SLC25A21: variants seen among roughly 807,000 people sequenced by gnomAD.
SLC25A21 encodes mitochondrial 2-oxodicarboxylate carrier.
Under a neutral mutation model 43.8 loss-of-function variants are expected in SLC25A21, and 47 were observed. That is an observed-to-expected ratio of 1.07 (90% confidence interval 0.85 to 1.37). The LOEUF is 1.37. Ranked by LOEUF, SLC25A21 falls within the 40% of genes most tolerant of loss-of-function variation. The pLI is 0.00. For synonymous variants in SLC25A21, 131 were observed against 121.3 expected (o/e 1.08, Z -0.52); for missense variants, 352 against 350.2 (o/e 1.00, Z -0.04).
At chr14:36,730,973 GT>G (rs869254850) in intron 4 of SLC25A21, among the ~76,000 whole-genome samples, 67 of 80,102 alleles carry the variant, frequency 8.4e-4, no homozygotes, top group Non-Finnish European at 1.1e-3. Flanking sequence ...ATAATCTTAG[GT>G]TTTTTTTTTT....
intron 3 of SLC25A21, among the ~76,000 whole-genome samples, chr14:36,753,293 G>A (rs954084875): frequency 2.6e-5 from 4 of 152,126 alleles, no homozygotes; most frequent in Admixed American, 2.0e-4. Context: ...TAAAACAGGA[G>A]AGTAACTGGT....
At chr14:37,106,756 TTAA>T (rs113018865) in intron 1 of SLC25A21, among the ~76,000 whole-genome samples, 120,037 of 150,604 alleles carry the variant, frequency 0.8, 50,626 homozygotes, top group South Asian at 0.94. Context: ...TTTGAAACCC[TTAA>T]TAAAAACTTG....
At chr14:36,842,179 C>T (rs192673665) in intron 2 of SLC25A21, among the ~76,000 whole-genome samples, 48 of 152,294 alleles carry the variant, frequency 3.2e-4, no homozygotes, top group Admixed American at 2.6e-3. Context: ...AACTAACAGA[C>T]GCTAGCACAT....
At chr14:37,123,866 A>C (rs534251033) in intron 1 of SLC25A21, among the ~76,000 whole-genome samples, 11 of 152,256 alleles carry the variant, frequency 7.2e-5, no homozygotes, top group Admixed American at 5.9e-4. Context: ...TCCATAAATA[A>C]AAATTAAATA....
chr14:37,161,316 C>A (rs1020386268), intron 1 of SLC25A21, among the ~76,000 whole-genome samples: 1 of 152,016 alleles, frequency 6.6e-6, no homozygotes, highest in Non-Finnish European at 1.5e-5. Flanking sequence ...TTAACAGTTT[C>A]GGCATAAAGG....
rs537445908 is a variant in SLC25A21, at chr14:36,759,624, A to G, written c.204-25051T>C. The stretch of plus-strand genomic sequence containing the variant: ...AAAGGCCAGGATCACAGAATAATTG[A>G]GTCAATACCAGTAGAAAAGGATCAC... On this transcript the variant is annotated intron_variant, in intron 3 of 9. Coordinates refer to ENST00000331299, the MANE Select transcript of SLC25A21 (RefSeq NM_030631.4). 4 of 152,342 alleles carry G rather than the reference A, an allele frequency of 2.6e-5. No homozygotes were observed. In the East Asian group the frequency reaches 5.8e-4, roughly 22 times the overall value. The allele number at this position is 152,342 out of a possible 1,614,324, so 9.4% of individuals were successfully genotyped here.
At chr14:36,975,957 T>TCAGGCAGTCGCTTGC (rs1959861199) in intron 1 of SLC25A21, among the ~76,000 whole-genome samples, 1 of 152,218 alleles carries the variant, frequency 6.6e-6, no homozygotes, top group African/African-American at 2.4e-5. Flanking sequence ...AGGCCGACTC[T>TCAGGCAGTCGCTTGC]CAGGCAGTCG....
At chr14:36,892,092 G>C (rs1235809243) in intron 1 of SLC25A21, among the ~76,000 whole-genome samples, 6 of 152,128 alleles carry the variant, frequency 3.9e-5, no homozygotes, top group African/African-American at 1.2e-4. Flanking sequence ...TAGTTTGTCA[G>C]ACAAAAGACA....
intron 2 of SLC25A21, among the ~76,000 whole-genome samples, chr14:36,856,423 G>C (rs1399365725): frequency 4.6e-5 from 7 of 152,158 alleles, no homozygotes; most frequent in African/African-American, 1.7e-4. Context: ...GACATGGCTT[G>C]TAAGGGAGGA....
intron 1 of SLC25A21, among the ~76,000 whole-genome samples, chr14:36,979,086 T>C (rs1298775563): frequency 3.3e-5 from 5 of 151,970 alleles, no homozygotes; most frequent in Admixed American, 2.6e-4. Context: ...AGACCCTGTA[T>C]CAAAAAAAAC....
At chr14:36,965,347 T>A (rs1959589109) in intron 1 of SLC25A21, among the ~76,000 whole-genome samples, 1 of 152,156 alleles carries the variant, frequency 6.6e-6, no homozygotes, top group Non-Finnish European at 1.5e-5. Flanking sequence ...GTTTATGTTT[T>A]TTAATAAGTC....
At chr14:37,054,929 G>A (rs76080258) in intron 1 of SLC25A21, among the ~76,000 whole-genome samples, 3,973 of 152,296 alleles carry the variant, frequency 0.026, 70 homozygotes, top group Middle Eastern at 0.048. Flanking sequence ...AAAATGCACA[G>A]AGGGCAAGGC....
chr14:36,855,510 G>A (rs1202827260), intron 2 of SLC25A21, among the ~76,000 whole-genome samples: 2 of 152,174 alleles, frequency 1.3e-5, no homozygotes. Context: ...CATTGGTGGG[G>A]CAAGTACCAA....
At chr14:36,856,830 A>T (rs1889913439) in intron 2 of SLC25A21, among the ~76,000 whole-genome samples, 1 of 152,138 alleles carries the variant, frequency 6.6e-6, no homozygotes, top group Non-Finnish European at 1.5e-5. Context: ...CACATAGAAA[A>T]CATGCAGTCA....
intron 7 of SLC25A21, among the ~76,000 whole-genome samples, chr14:36,691,311 C>G (rs1478581369): frequency 6.6e-6 from 1 of 152,130 alleles, no homozygotes; most frequent in Non-Finnish European, 1.5e-5. Flanking sequence ...AATCACAAGA[C>G]TAGGAGTGAA....
chr14:36,975,142 C>T (rs73256229), intron 1 of SLC25A21, among the ~76,000 whole-genome samples: 15,578 of 152,032 alleles, frequency 0.1, 2,182 homozygotes, highest in African/African-American at 0.32. Context: ...TACAAGACTA[C>T]GCAGAAGAAG....
At chr14:37,133,903 G>A (rs375835567) in intron 1 of SLC25A21, among the ~76,000 whole-genome samples, 7 of 152,112 alleles carry the variant, frequency 4.6e-5, no homozygotes, top group African/African-American at 1.7e-4. Context: ...CCCTTTTCTA[G>A]GTCTCACAGT....
chr14:36,732,937 C>T (rs1884888025), intron 4 of SLC25A21, among the ~76,000 whole-genome samples: 1 of 152,158 alleles, frequency 6.6e-6, no homozygotes, highest in African/African-American at 2.4e-5. Flanking sequence ...GGGACACATA[C>T]ACCATATTCA....
intron 3 of SLC25A21, among the ~76,000 whole-genome samples, chr14:36,805,612 G>A (rs1345841507): frequency 6.6e-6 from 1 of 152,106 alleles, no homozygotes; most frequent in Non-Finnish European, 1.5e-5. Context: ...GCCAAATAAT[G>A]TATCCATGGT....
Sources: allele counts gnomAD v4.1 joint callset (sites outside exome capture counted in the v4.1 genomes callset), GRCh38; gene constraint gnomAD v4.1.1; transcripts MANE v1.5; gene names NCBI Gene and HGNC (gene_info 2026-07-23, HGNC 2026-07-21).